Variants in SUGCT observed in about 807,000 individuals in gnomAD.
SUGCT encodes succinyl-CoA:glutarate CoA-transferase.
In SUGCT, 41 loss-of-function variants were observed where a neutral mutation model predicts 55.0. The observed-to-expected ratio is 0.74, with a 90% CI of 0.58 to 0.97. The LOEUF (loss-of-function observed/expected upper bound fraction) is 0.97. Ranked by LOEUF, SUGCT falls within the 50% of genes least tolerant of loss-of-function variation. SUGCT has a pLI of 0.00. For missense variants in SUGCT, 568 were observed against 547.8 expected, an observed-to-expected ratio of 1.04 and a Z score of -0.37; for synonymous variants, 187 against 200.4, an observed-to-expected ratio of 0.93 and a Z score of 0.56.
chr7:40,622,433 A>T (rs1021926434), intron 12 of SUGCT, among the ~76,000 whole-genome samples: 1 of 151,926 alleles, frequency 6.6e-6, no homozygotes. Flanking sequence ...TACAAACCCA[A>T]GGCTGCTCGG....
intron 13 of SUGCT, among the ~76,000 whole-genome samples, chr7:40,761,990 C>T (rs773355601): frequency 6.6e-6 from 1 of 152,134 alleles, no homozygotes; most frequent in Admixed American, 6.5e-5. Context: ...GAGCACGCCC[C>T]GGGGAACCTG....
chr7:40,980,780 T>G, the SUGCT span, among the ~76,000 whole-genome samples: 2 of 152,146 alleles, frequency 1.3e-5, no homozygotes, highest in Non-Finnish European at 2.9e-5. Flanking sequence ...CACTACAACT[T>G]CTGCCTCCTG....
At chr7:40,538,452 A>C (rs2151611364) in intron 12 of SUGCT, 1 of 152,312 alleles carries the variant, frequency 6.6e-6, no homozygotes, top group Middle Eastern at 3.4e-3. Flanking sequence ...TTGCAGTAAA[A>C]ATATCTCCTC....
At chr7:40,189,700 G>A (rs1468672430) in intron 5 of SUGCT, 106 bp downstream of exon 5, 28 of 430,256 alleles carry the variant, frequency 6.5e-5, no homozygotes, top group African/African-American at 1.7e-4. Flanking sequence ...TGATCTGTAC[G>A]TTTGCAACAA....
the SUGCT span, among the ~76,000 whole-genome samples, chr7:40,986,324 A>AGAG: frequency 6.6e-6 from 1 of 152,220 alleles, no homozygotes; most frequent in Non-Finnish European, 1.5e-5. Context: ...AAAATGAATA[A>AGAG]GAGTTTTAGT....
chr7:40,838,604 A>T (rs1432715103), intron 13 of SUGCT, among the ~76,000 whole-genome samples: 1 of 151,510 alleles, frequency 6.6e-6, no homozygotes, highest in South Asian at 2.1e-4. Context: ...TTTATCTTGT[A>T]TCCTAAGGCC....
chr7:40,236,637 A>T (rs866382203), intron 6 of SUGCT, among the ~76,000 whole-genome samples: 1 of 152,092 alleles, frequency 6.6e-6, no homozygotes, highest in African/African-American at 2.4e-5. Context: ...TTAACTTTGT[A>T]TATTACTGTG....
At chr7:40,472,106 G>A (rs1464344495) in intron 11 of SUGCT, among the ~76,000 whole-genome samples, 2 of 152,056 alleles carry the variant, frequency 1.3e-5, no homozygotes, top group Non-Finnish European at 2.9e-5. Flanking sequence ...TGTGCAAAAA[G>A]CAATTGTTCA....
intron 13 of SUGCT, among the ~76,000 whole-genome samples, chr7:40,763,977 C>A (rs892224359): frequency 6.6e-6 from 1 of 152,052 alleles, no homozygotes; most frequent in Non-Finnish European, 1.5e-5. Flanking sequence ...CCAGCTGTTG[C>A]AACAGCAGGC....
chr7:40,195,026 G>A lies in SUGCT; in HGVS notation c.450G>A (p.Glu150=). 1 of 1,613,772 alleles carries A rather than the reference G, an allele frequency of 6.2e-7. No homozygotes were observed. Among genetic ancestry groups the A allele is most frequent in the Non-Finnish European group, 8.5e-7 (1 of 1,179,794 alleles). ...AMGLGYEDID[E]IAPHIIYCSI... is the part of the protein sequence containing the mutation. The stretch of plus-strand genomic sequence containing the variant: ...GCCTGGGATATGAAGATATAGACGA[G>A]ATTGCTCCTCACATCATCTATTGTT... The change falls in exon 6 of 14, where the codon GAG becomes GAA. Residue 150 remains glutamate, a synonymous_variant. Coordinates refer to ENST00000335693, the MANE Select transcript of SUGCT (RefSeq NM_001193313.2).
At chr7:40,201,355 A>G (rs1786594620) in intron 6 of SUGCT, among the ~76,000 whole-genome samples, 1 of 152,216 alleles carries the variant, frequency 6.6e-6, no homozygotes, top group Admixed American at 6.5e-5. Flanking sequence ...TGCATTAAGT[A>G]TCATTTTTAG....
At chr7:40,432,676 A>G (rs1170978157) in intron 9 of SUGCT, among the ~76,000 whole-genome samples, 3 of 132,054 alleles carry the variant, frequency 2.3e-5, no homozygotes, top group Non-Finnish European at 4.8e-5. Context: ...ACAGAGTGAG[A>G]CTCCCTCTCA....
At chr7:40,139,178 A>T (rs1787858726) in intron 1 of SUGCT, among the ~76,000 whole-genome samples, 1 of 145,808 alleles carries the variant, frequency 6.9e-6, no homozygotes, top group South Asian at 2.2e-4. Flanking sequence ...AAATAAATAA[A>T]TCCAGGATTC....
At chr7:40,274,073 C>CTTTTTTTTTTTTTTTT (rs386409972) in intron 7 of SUGCT, among the ~76,000 whole-genome samples, 4 of 68,002 alleles carry the variant, frequency 5.9e-5, no homozygotes, top group East Asian at 5.4e-4. Context: ...TTTTTACCTT[C>CTTTTTTTTTTTTTTTT]TTTTTTTTTT....
intron 13 of SUGCT, among the ~76,000 whole-genome samples, chr7:40,825,704 C>T (rs10951639): frequency 0.42 from 63,390 of 151,880 alleles, 14,095 homozygotes; most frequent in South Asian, 0.59. Context: ...GCCAGGCAGG[C>T]GACCCATTCT....
intron 9 of SUGCT, among the ~76,000 whole-genome samples, chr7:40,425,146 G>A (rs1385345792): frequency 6.6e-6 from 1 of 152,056 alleles, no homozygotes; most frequent in Non-Finnish European, 1.5e-5. Context: ...CATGATGAAG[G>A]TGTTGTGAAC....
intron 12 of SUGCT, among the ~76,000 whole-genome samples, chr7:40,557,767 TGTCTA>T (rs1322284017): frequency 7.2e-6 from 1 of 139,660 alleles, no homozygotes; most frequent in African/African-American, 2.9e-5. Context: ...AGTGAGACTC[TGTCTA>T]AAAAAAAAAA....
intron 9 of SUGCT, among the ~76,000 whole-genome samples, chr7:40,403,918 G>T (rs1284692797): frequency 6.6e-6 from 1 of 152,170 alleles, no homozygotes; most frequent in Non-Finnish European, 1.5e-5. Context: ...CTGGCTTGCT[G>T]GCTGATGCAA....
At chr7:40,775,945 A>G (rs1789426305) in intron 13 of SUGCT, among the ~76,000 whole-genome samples, 1 of 152,174 alleles carries the variant, frequency 6.6e-6, no homozygotes, top group South Asian at 2.1e-4. Context: ...GTTCTAAAGA[A>G]TCTATTCTGT....
Sources: gnomAD v4.1 joint callset for allele counts (sites outside exome capture counted in the v4.1 genomes callset) on GRCh38, gnomAD v4.1.1 for gene constraint, MANE v1.5 for transcripts, NCBI Gene and HGNC (gene_info 2026-07-23, HGNC 2026-07-21) for gene names.